KIAA1217: variants seen among roughly 807,000 people sequenced by gnomAD.
KIAA1217 encodes the protein KIAA1217.
KIAA1217 carries 88 observed loss-of-function variants against 163.9 expected under a neutral mutation model. The observed-to-expected ratio is 0.54, with a 90% CI of 0.45 to 0.64. The LOEUF (loss-of-function observed/expected upper bound fraction) is 0.64, where lower values mean the gene tolerates loss of function less well. Ranked by LOEUF, KIAA1217 falls within the 30% of genes least tolerant of loss-of-function variation. KIAA1217 has a pLI of 0.00. For missense variants in KIAA1217, 2,372 were observed against 2,475.0 expected (o/e 0.96, Z 0.88); for synonymous variants, 903 against 923.1 (o/e 0.98, Z 0.39).
At chr10:24,122,984 A>G (rs2063338491) in intron 2 of KIAA1217, among the ~76,000 whole-genome samples, 1 of 152,018 alleles carries the variant, frequency 6.6e-6, no homozygotes, top group African/African-American at 2.4e-5. Context: ...TTAGTTCAGA[A>G]AACTTGTAGA....
intron 1 of KIAA1217, among the ~76,000 whole-genome samples, chr10:23,847,024 T>G (rs1023004203): frequency 6.6e-6 from 1 of 152,212 alleles, no homozygotes; most frequent in African/African-American, 2.4e-5. Flanking sequence ...TCTGTTTATG[T>G]GATGGATTCC....
chr10:24,270,998 A>G (rs1010430966), intron 2 of KIAA1217, among the ~76,000 whole-genome samples: 3 of 152,302 alleles, frequency 2.0e-5, no homozygotes, highest in African/African-American at 4.8e-5. Context: ...CCAGATTTCT[A>G]TGAGAATTAC....
At chr10:24,087,671 T>C (rs1394852407) in intron 2 of KIAA1217, among the ~76,000 whole-genome samples, 1 of 152,218 alleles carries the variant, frequency 6.6e-6, no homozygotes, top group Non-Finnish European at 1.5e-5. Context: ...TGAACACCCA[T>C]TCAATACCAT....
At chr10:24,235,635 G>A (rs1223459535) in intron 2 of KIAA1217, among the ~76,000 whole-genome samples, 3 of 152,192 alleles carry the variant, frequency 2.0e-5, no homozygotes, top group African/African-American at 7.2e-5. Flanking sequence ...TGAGGGCTAA[G>A]CCCTGAGTTG....
intron 6 of KIAA1217, among the ~76,000 whole-genome samples, chr10:24,483,191 G>C (rs2064933163): frequency 1.3e-5 from 2 of 152,116 alleles, no homozygotes; most frequent in Non-Finnish European, 2.9e-5. Flanking sequence ...CTTCCTAAAG[G>C]TCCAAGGATG....
At chr10:24,374,426 A>T (rs1228003530) in intron 2 of KIAA1217, among the ~76,000 whole-genome samples, 4 of 152,242 alleles carry the variant, frequency 2.6e-5, no homozygotes, top group Non-Finnish European at 5.9e-5. Context: ...GTAGATTAAC[A>T]GCAGGACCCT....
intron 2 of KIAA1217, among the ~76,000 whole-genome samples, chr10:24,252,022 A>T (rs1342634848): frequency 1.3e-5 from 2 of 152,090 alleles, no homozygotes; most frequent in South Asian, 4.2e-4. Context: ...CTCACAAAAC[A>T]TTTTGTGAGA....
Position 24,438,368 on chromosome 10 carries a change from C to T in KIAA1217, c.753-18C>T, listed in dbSNP as rs969334522. 10 of 1,568,432 alleles carry T rather than the reference C, an allele frequency of 6.4e-6. No individual in the cohort carries two copies. Among genetic ancestry groups the T allele is most frequent in the African/African-American group, 2.7e-5 (2 of 74,044 alleles). On this transcript the variant is annotated intron_variant, in intron 4 of 20. Coordinates refer to ENST00000376454, the MANE Select transcript of KIAA1217 (RefSeq NM_019590.5). ...GGCTTCTTTCATCTGCCATAGTTAT[C>T]GATGTTTTTGATTCCAGGAACATTC...
At chr10:24,343,661 C>T (rs890897114) in intron 2 of KIAA1217, among the ~76,000 whole-genome samples, 1 of 152,168 alleles carries the variant, frequency 6.6e-6, no homozygotes, top group Non-Finnish European at 1.5e-5. Context: ...ACTTCCCTGT[C>T]CTAATATTAC....
At chr10:24,078,896 C>T (rs912456332) in intron 2 of KIAA1217, among the ~76,000 whole-genome samples, 5 of 152,278 alleles carry the variant, frequency 3.3e-5, no homozygotes, top group Middle Eastern at 3.4e-3. Flanking sequence ...TTTAAACCAG[C>T]GCAAGTGGTT....
chr10:24,022,744 AGTGCCTTCCT>A (rs1386141309), intron 2 of KIAA1217, among the ~76,000 whole-genome samples: 1 of 151,762 alleles, frequency 6.6e-6, no homozygotes, highest in Non-Finnish European at 1.5e-5. Flanking sequence ...AATAAACTGT[AGTGCCTTCCT>A]AAACGGGAAT....
intron 3 of KIAA1217, among the ~76,000 whole-genome samples, chr10:24,387,262 A>G (rs1008918739): frequency 1.3e-5 from 2 of 152,236 alleles, no homozygotes; most frequent in Non-Finnish European, 2.9e-5. Flanking sequence ...ACGCAAATCA[A>G]TAAACATAAT....
intron 2 of KIAA1217, chr10:24,158,443 AAC>A (rs2064977214): frequency 3.6e-6 from 2 of 562,226 alleles, no homozygotes; most frequent in South Asian, 2.8e-5. Flanking sequence ...CATGATGTCT[AAC>A]ACAGGAAATT....
intron 2 of KIAA1217, among the ~76,000 whole-genome samples, chr10:24,133,804 A>T (rs556098265): frequency 6.6e-6 from 1 of 152,206 alleles, no homozygotes; most frequent in South Asian, 2.1e-4. Flanking sequence ...GCTAATGAAT[A>T]TTGGGCTGGA....
chr10:24,128,507 C>T lies in KIAA1217; in HGVS notation c.-170-91119C>T, dbSNP rs144438046. ...GAAAGTGCTGACTTCAACATTTTTGCGCTGCTTTTGTTGATCCTGTCTGCT... is the reference window on the plus strand; with the variant it reads ...GAAAGTGCTGACTTCAACATTTTTGTGCTGCTTTTGTTGATCCTGTCTGCT... On this transcript the variant is annotated intron_variant, in intron 2 of 18. Transcript: ENST00000376462. 7.0e-4 allele frequency among the ~76,000 whole-genome samples: 107 copies of T among 152,268 alleles called. 3 individuals are homozygous for T. The East Asian group carries it at 0.012, about 17-fold the overall frequency.
chr10:24,270,053 G>A (rs535085424), intron 2 of KIAA1217, among the ~76,000 whole-genome samples: 3 of 152,340 alleles, frequency 2.0e-5, no homozygotes, highest in Admixed American at 6.5e-5. Flanking sequence ...ACAGATTGCC[G>A]AGTTCTGGTT....
chr10:23,708,966 TC>T (rs1220708028), intron 1 of KIAA1217, among the ~76,000 whole-genome samples: 3 of 152,044 alleles, frequency 2.0e-5, no homozygotes, highest in Non-Finnish European at 4.4e-5. Context: ...TTGTAAGAAT[TC>T]CAAGAGGAAG....
chr10:24,243,920 C>T lies in KIAA1217; in HGVS notation c.354+24011C>T, dbSNP rs115367564. Among the ~76,000 whole-genome samples, 375 of 152,194 alleles carry T rather than the reference C, an allele frequency of 2.5e-3. 3 individuals carry two copies. Among genetic ancestry groups the T allele is most frequent in the African/African-American group, 8.5e-3 (355 of 41,538 alleles). The stretch of plus-strand genomic sequence containing the variant: ...GAGATTATCTTTGATCAATAAGTAG[C>T]GATCGCATTGAGCAGAGCACTTTAC... On this transcript the variant is annotated intron_variant, in intron 2 of 20. Transcript: ENST00000376454.
At chr10:23,838,499 C>T (rs561948789) in intron 1 of KIAA1217, among the ~76,000 whole-genome samples, 2 of 151,666 alleles carry the variant, frequency 1.3e-5, no homozygotes, top group Admixed American at 6.6e-5. Context: ...CTCGCTCTAT[C>T]GCCCAGGCTG....
Sources: allele counts gnomAD v4.1 joint callset (sites outside exome capture counted in the v4.1 genomes callset), GRCh38; gene constraint gnomAD v4.1.1; transcripts MANE v1.5; gene names NCBI Gene and HGNC (gene_info 2026-07-23, HGNC 2026-07-21).